Variants in GRAMD4 observed in about 807,000 individuals in gnomAD.
GRAMD4 encodes GRAM domain containing 4, also known as GRAM domain-containing protein 4.
A neutral mutation model predicts 83.9 loss-of-function variants in GRAMD4; 25 were observed. The ratio of observed to expected loss-of-function variants is 0.30; its 90% CI spans 0.22 to 0.42. The LOEUF (loss-of-function observed/expected upper bound fraction) is 0.42, where lower values mean the gene tolerates loss of function less well. Among genes scored for constraint, GRAMD4 ranks in the 10% least tolerant of loss-of-function variants. The probability of loss-of-function intolerance (pLI) is 1.00; values close to 1 mark genes in which losing one functional copy is unlikely to be tolerated. For synonymous variants in GRAMD4, 336 were observed against 320.9 expected (o/e 1.05, Z -0.50); for missense variants, 593 against 788.7 (o/e 0.75, Z 2.97).
At chr22:46,584,462 A>G (rs971195493) in intron 1 of GRAMD4, among the ~76,000 whole-genome samples, 2 of 152,138 alleles carry the variant, frequency 1.3e-5, no homozygotes, top group African/African-American at 4.8e-5. Context: ...CGTTTCCTGC[A>G]TGGATCTTTC....
intron 1 of GRAMD4, among the ~76,000 whole-genome samples, chr22:46,588,447 G>A (rs1390413578): frequency 1.3e-5 from 2 of 152,178 alleles, no homozygotes; most frequent in African/African-American, 2.4e-5. Context: ...CACCCTCCCC[G>A]GGCGAGTGCT....
At chr22:46,630,134 C>T (rs1370757312) in intron 2 of GRAMD4, among the ~76,000 whole-genome samples, 3 of 151,860 alleles carry the variant, frequency 2.0e-5, no homozygotes, top group African/African-American at 7.3e-5. Context: ...AAGCGATTCT[C>T]GTGCCTCAGC....
chr22:46,617,051 T>C (rs1233380817), upstream of GRAMD4, among the ~76,000 whole-genome samples: 30 of 126,606 alleles, frequency 2.4e-4, no homozygotes, highest in African/African-American at 8.6e-4. Flanking sequence ...TGCGTGTGGG[T>C]TCCCCCGTGT....
chr22:46,583,525 C>T (rs1209393731), intron 1 of GRAMD4, among the ~76,000 whole-genome samples: 1 of 152,216 alleles, frequency 6.6e-6, no homozygotes, highest in Non-Finnish European at 1.5e-5. Context: ...ATGACAGCTT[C>T]TCAGACTTTT....
intron 3 of GRAMD4, among the ~76,000 whole-genome samples, chr22:46,640,637 G>A (rs572404856): frequency 1.5e-3 from 229 of 152,290 alleles, no homozygotes; most frequent in Middle Eastern, 3.4e-3. Context: ...AGCCTGTGGG[G>A]TGGTGAGCAC....
At chr22:46,643,052 C>CATTT (rs2081997901) in intron 3 of GRAMD4, among the ~76,000 whole-genome samples, 2 of 3,202 alleles carry the variant, frequency 6.2e-4, no homozygotes, top group Admixed American at 3.2e-3. Flanking sequence ...TCCGTCCATC[C>CATTT]ACCCACCTAC....
chr22:46,680,690 T>C (rs111547475), downstream of GRAMD4, among the ~76,000 whole-genome samples: 351 of 8,258 alleles, frequency 0.043, no homozygotes, highest in Middle Eastern at 0.1. Context: ...ACCCACCTAT[T>C]CATCCACCCA....
intron 1 of GRAMD4, among the ~76,000 whole-genome samples, chr22:46,600,559 G>A (rs1274871839): frequency 6.6e-6 from 1 of 152,206 alleles, no homozygotes; most frequent in East Asian, 1.9e-4. Flanking sequence ...GAGGGACAGG[G>A]ATGCTGAGTG....
At chr22:46,666,443 C>T (rs948545354) in intron 9 of GRAMD4, among the ~76,000 whole-genome samples, 1 of 152,086 alleles carries the variant, frequency 6.6e-6, no homozygotes, top group African/African-American at 2.4e-5. Flanking sequence ...CCAGTTGGCT[C>T]ATTTGAAAAT....
At chr22:46,644,697 G>GTTTTTTTTTTTTTTTTTTTTTTTT (rs71192437) in intron 3 of GRAMD4, among the ~76,000 whole-genome samples, 1 of 97,370 alleles carries the variant, frequency 1.0e-5, no homozygotes. Flanking sequence ...CTTGTTCCCT[G>GTTTTTTTTTTTTTTTTTTTTTTTT]TTTTTTTTTT....
Position 46,679,380 on chromosome 22 carries a change from CG to C in GRAMD4, c.*2135del, listed in dbSNP as rs936874901. The C allele has an allele frequency of 1.2e-5, 12 of 985,116 alleles. No individual in the cohort carries two copies. The Admixed American group carries it at 6.1e-4, about 50-fold the overall frequency. 61.0% of individuals were successfully genotyped at this position (985,116 alleles called of 1,614,324 possible). A position where few individuals can be genotyped will look rare whatever the true frequency, so the allele number is the denominator to read the frequency against. On this transcript the variant is annotated 3_prime_UTR_variant, in exon 19 of 19. Transcript: ENST00000406902. ...CCCAGGGAGGGCCACATTCGGGGAG[CG>C]GGGGGTCGGGGGAGGGCCACCGACT...
chr22:46,611,299 G>A (rs2081414736), intron 1 of GRAMD4, among the ~76,000 whole-genome samples: 1 of 152,152 alleles, frequency 6.6e-6, no homozygotes, highest in South Asian at 2.1e-4. Context: ...AGGCAGAGGG[G>A]CCTATGAGCT....
intron 3 of GRAMD4, among the ~76,000 whole-genome samples, chr22:46,649,583 A>T (rs1601633335): frequency 6.6e-6 from 1 of 152,338 alleles, no homozygotes; most frequent in South Asian, 2.1e-4. Flanking sequence ...GGTGTCCTGA[A>T]ATGTACCTAA....
At chr22:46,637,769 G>C (rs766378810) in intron 2 of GRAMD4, 71 bp from the exon 3 acceptor site, 1 of 1,563,858 alleles carries the variant, frequency 6.4e-7, no homozygotes, top group Non-Finnish European at 8.7e-7. Flanking sequence ...GGGCACCTCT[G>C]GGGGAACTGA....
At chr22:46,618,152 T>C (rs943829050), upstream of GRAMD4, among the ~76,000 whole-genome samples, 2 of 152,076 alleles carry the variant, frequency 1.3e-5, no homozygotes, top group African/African-American at 4.8e-5. This position sits in a 1 kb window ranked among gnomAD's most constrained non-coding sequence, Gnocchi z 5.8. Flanking sequence ...CAAGTGTTTG[T>C]CACTGCCCAC....
intron 3 of GRAMD4, among the ~76,000 whole-genome samples, chr22:46,643,135 GCATCCTTCCATCCATC>G (rs1569283812): frequency 4.2e-3 from 34 of 8,006 alleles, no homozygotes; most frequent in Middle Eastern, 0.071. Flanking sequence ...ATCCATCCAT[GCATCCTTCCATCCATC>G]CATCCATCCA....
chr22:46,603,718 G>A (rs972147254), intron 1 of GRAMD4, among the ~76,000 whole-genome samples: 1 of 150,306 alleles, frequency 6.7e-6, no homozygotes, highest in Admixed American at 6.7e-5. Context: ...GGGTTTCAAT[G>A]TGTTAGCCAG....
At chr22:46,665,990 C>T (rs1218469668) in intron 9 of GRAMD4, among the ~76,000 whole-genome samples, 1 of 152,242 alleles carries the variant, frequency 6.6e-6, no homozygotes, top group African/African-American at 2.4e-5. Flanking sequence ...CAGGGGGCTT[C>T]TCCCCAACAT....
intron 14 of GRAMD4, 78 bp from the exon 15 acceptor site, chr22:46,673,592 G>A: frequency 6.6e-7 from 1 of 1,515,660 alleles, no homozygotes; most frequent in South Asian, 1.2e-5. Context: ...TTTTGGGGAG[G>A]TGTGTGTGCG....
Sources: gnomAD v4.1 joint callset for allele counts (sites outside exome capture counted in the v4.1 genomes callset) on GRCh38, gnomAD v4.1.1 for gene constraint, Gnocchi (gnomAD v3.1) non-coding constraint, MANE v1.5 for transcripts, NCBI Gene and HGNC (gene_info 2026-07-23, HGNC 2026-07-21) for gene names.